The following IL4I1 variants were observed in gnomAD, a reference collection of about 807,000 sequenced individuals.
IL4I1 encodes interleukin 4 induced 1, also known as L-amino-acid oxidase.
Under a neutral mutation model 29.7 loss-of-function variants are expected in IL4I1, and 24 were observed. The ratio of observed to expected loss-of-function variants is 0.81; its 90% confidence interval spans 0.59 to 1.14. The LOEUF is 1.14. Among genes scored for constraint, IL4I1 ranks in the 50% most tolerant of loss-of-function variants. The pLI is 0.00. For synonymous variants in IL4I1, 371 were observed against 352.5 expected (o/e 1.05, Z -0.59); for missense variants, 686 against 785.6 (o/e 0.87, Z 1.52).
At chr19:49,910,641 C>T (rs541052449) in intron 2 of IL4I1, among the ~76,000 whole-genome samples, 3 of 151,522 alleles carry the variant, frequency 2.0e-5, no homozygotes, top group Non-Finnish European at 2.9e-5. Flanking sequence ...GCACCTGGGC[C>T]TCCCTTGGAC....
chr19:49,916,625 G>A (rs1198161855), intron 2 of IL4I1, among the ~76,000 whole-genome samples: 4 of 151,970 alleles, frequency 2.6e-5, no homozygotes, highest in Non-Finnish European at 4.4e-5. Flanking sequence ...TTAGCCAGGC[G>A]TGGTGGTGGG....
chr19:49,895,103 C>T lies in IL4I1; in HGVS notation c.330G>A (p.Gly110=). Residue 110 remains glycine, a synonymous_variant, in exon 4 of 8, where the codon GGG becomes GGA. Transcript: ENST00000391826. The part of the protein sequence containing the change: ...TYRDQNTGWI[G]ELGAMRMPSS... Reference sequence around the variant, plus strand: ...TGGGCATGCGCATGGCTCCCAGCTCCCCAATCCAGCCCGTGTTCTGGTCCC... The same window carrying T: ...TGGGCATGCGCATGGCTCCCAGCTCTCCAATCCAGCCCGTGTTCTGGTCCC... The T allele has an allele frequency of 6.2e-7, 1 of 1,613,762 alleles. No individual in the cohort carries two copies. Among genetic ancestry groups the T allele is most frequent in the Non-Finnish European group, 8.5e-7 (1 of 1,179,830 alleles).
At chr19:49,923,464 TC>T (rs1464640187) in intron 2 of IL4I1, among the ~76,000 whole-genome samples, 7 of 152,142 alleles carry the variant, frequency 4.6e-5, no homozygotes, top group African/African-American at 1.7e-4. Flanking sequence ...CTCGAAGCGT[TC>T]GGGGGAGCAG....
chr19:49,897,116 C>G (rs919496852), upstream of IL4I1, among the ~76,000 whole-genome samples: 1 of 152,200 alleles, frequency 6.6e-6, no homozygotes. Flanking sequence ...AATAGATGCT[C>G]AGGTAACCGT....
At chr19:49,922,944 T>G (rs1048352141) in intron 2 of IL4I1, among the ~76,000 whole-genome samples, 3 of 152,168 alleles carry the variant, frequency 2.0e-5, no homozygotes, top group Non-Finnish European at 2.9e-5. Flanking sequence ...GTTCTATGAT[T>G]GTGCCCATTT....
At chr19:49,924,779 GC>G (rs1204544666) in intron 2 of IL4I1, among the ~76,000 whole-genome samples, 5 of 152,316 alleles carry the variant, frequency 3.3e-5, no homozygotes, top group South Asian at 4.1e-4. Flanking sequence ...GTGCCAACTG[GC>G]ACCCACTCAC....
At chr19:49,903,351 T>C (rs1297511658) in intron 3 of IL4I1, among the ~76,000 whole-genome samples, 1 of 152,104 alleles carries the variant, frequency 6.6e-6, no homozygotes, top group Non-Finnish European at 1.5e-5. Flanking sequence ...TTCAACCTGA[T>C]GGTGTCTGGA....
At chr19:49,903,420 G>T (rs947258669) in intron 3 of IL4I1, among the ~76,000 whole-genome samples, 1 of 152,210 alleles carries the variant, frequency 6.6e-6, no homozygotes, top group Non-Finnish European at 1.5e-5. Context: ...CCAGGGCCCT[G>T]GTGTGCAGAA....
At chr19:49,905,414 A>G (rs1458261678) in intron 2 of IL4I1, among the ~76,000 whole-genome samples, 1 of 152,132 alleles carries the variant, frequency 6.6e-6, no homozygotes, top group Non-Finnish European at 1.5e-5. Context: ...CTTCCGGCAG[A>G]GGGGACAATA....
chr19:49,915,736 G>A (rs921550078), intron 2 of IL4I1, among the ~76,000 whole-genome samples: 2 of 152,244 alleles, frequency 1.3e-5, no homozygotes, highest in African/African-American at 4.8e-5. Flanking sequence ...AGACCAAGGC[G>A]GCTGGTACAG....
At chr19:49,924,049 G>A (rs2075826047) in intron 2 of IL4I1, among the ~76,000 whole-genome samples, 1 of 152,234 alleles carries the variant, frequency 6.6e-6, no homozygotes, top group Admixed American at 6.5e-5. Context: ...ATGGCACGGT[G>A]CAGGTGCAGG....
upstream of IL4I1, among the ~76,000 whole-genome samples, chr19:49,898,515 C>T (rs1204592070): frequency 2.0e-5 from 3 of 152,124 alleles, no homozygotes; most frequent in Admixed American, 2.0e-4. Context: ...CCATGGCGAT[C>T]ACCTGCCTTG....
At chr19:49,925,259 C>T (rs190577819) in intron 2 of IL4I1, among the ~76,000 whole-genome samples, 63 of 151,968 alleles carry the variant, frequency 4.1e-4, no homozygotes, top group Non-Finnish European at 7.1e-4. Context: ...GAAACTCCGT[C>T]TCAAAAAACC....
upstream of IL4I1, among the ~76,000 whole-genome samples, chr19:49,898,129 T>C (rs527305714): frequency 7.2e-5 from 11 of 152,304 alleles, no homozygotes; most frequent in African/African-American, 2.6e-4. Context: ...AAGACCAGCC[T>C]GGCCAACATG....
chr19:49,911,399 C>T (rs2075458957), intron 2 of IL4I1: 1 of 152,204 alleles, frequency 6.6e-6, no homozygotes, highest in African/African-American at 2.4e-5. Flanking sequence ...TAATCAAAGT[C>T]AAGACTGAGA....
intron 7 of IL4I1, 119 bp downstream of exon 7, chr19:49,890,851 CA>C (rs2075125864): frequency 1.1e-6 from 1 of 909,882 alleles, no homozygotes; most frequent in Non-Finnish European, 1.6e-6. Context: ...CCGCGACCAT[CA>C]ATTAGGCCAC....
In IL4I1 at chr19:49,918,916, T is replaced by TG. The variant is rs1312547282; in HGVS notation, c.-228+8777dup. On this transcript the variant is annotated intron_variant, in intron 2 of 9. Transcript: ENST00000341114. ...AGGCTGGGGGGGGGGGGGCGGGGTG[T>TG]GGGGGGGCGGATCACCTGAGGTCGG... Among the ~76,000 whole-genome samples the TG allele has an allele frequency of 6.7e-3, 169 of 25,254 alleles. 3 individuals are homozygous for TG. Among genetic ancestry groups the TG allele is most frequent in the African/African-American group, 0.024 (159 of 6,622 alleles). The allele number at this position is 25,254 out of a possible 152,430, so 16.6% of individuals were successfully genotyped here.
intron 3 of IL4I1, among the ~76,000 whole-genome samples, chr19:49,903,524 G>C (rs560278295): frequency 6.6e-6 from 1 of 152,188 alleles, no homozygotes; most frequent in Non-Finnish European, 1.5e-5. Flanking sequence ...AGCAGACCTC[G>C]CTTCCGAGCG....
upstream of IL4I1, among the ~76,000 whole-genome samples, chr19:49,900,975 C>T (rs1365800279): frequency 6.6e-6 from 1 of 152,234 alleles, no homozygotes; most frequent in Non-Finnish European, 1.5e-5. Flanking sequence ...CCCATCAGGG[C>T]AGCTGATGCT....
Sources: gnomAD v4.1 joint callset for allele counts (sites outside exome capture counted in the v4.1 genomes callset) on GRCh38, gnomAD v4.1.1 for gene constraint, MANE v1.5 for transcripts, NCBI Gene and HGNC (gene_info 2026-07-23, HGNC 2026-07-21) for gene names.